The following DCTN5 variants were observed in gnomAD, a reference collection of about 807,000 sequenced individuals.
DCTN5 encodes the protein dynactin 4.
A neutral mutation model predicts 23.5 loss-of-function variants in DCTN5; 14 were observed. That is an observed-to-expected ratio of 0.60 (90% CI 0.39 to 0.93). DCTN5 has a LOEUF of 0.93. Among genes scored for constraint, DCTN5 ranks in the 40% least tolerant of loss-of-function variants. DCTN5 has a pLI of 0.00. For missense variants in DCTN5, 156 were observed against 225.9 expected (o/e 0.69, Z 1.98); for synonymous variants, 67 against 79.6 (o/e 0.84, Z 0.84).
At chr16:23,662,321 G>A (rs567862067) in intron 4 of DCTN5, among the ~76,000 whole-genome samples, 7 of 152,258 alleles carry the variant, frequency 4.6e-5, no homozygotes, top group African/African-American at 1.7e-4. Flanking sequence ...CAGGGTGCAA[G>A]CGGGCCCCTT....
At chr16:23,664,989 C>T (rs934206272) in intron 4 of DCTN5, among the ~76,000 whole-genome samples, 2 of 152,184 alleles carry the variant, frequency 1.3e-5, no homozygotes, top group African/African-American at 2.4e-5. Flanking sequence ...AATTAGTCTC[C>T]ATCTCTGTGC....
Position 23,667,364 on chromosome 16 carries a change from T to TA in DCTN5, c.*221dup. On this transcript the variant is annotated 3_prime_UTR_variant, in exon 6 of 6. Transcript: ENST00000300087. ...AGGAGCTGTCTTCAAATGCTGTGCT[T>TA]ACACCTTATCTATGAACAGTCACTT... The TA allele has an allele frequency of 1.7e-6, 1 of 579,094 alleles. No individual in the cohort carries two copies. The highest frequency in any genetic ancestry group is 3.1e-6 in the Non-Finnish European group (1 of 326,788). 35.9% of individuals were successfully genotyped at this position (579,094 alleles called of 1,614,324 possible). A position where few individuals can be genotyped will look rare whatever the true frequency, so the allele number is the denominator to read the frequency against.
intron 2 of DCTN5, chr16:23,650,617 AC>A (rs1967582996): frequency 1.3e-6 from 1 of 758,736 alleles, no homozygotes; most frequent in African/African-American, 1.8e-5. Flanking sequence ...GAGCCACTGC[AC>A]CCGGCTGGCC....
chr16:23,644,559 G>A lies in DCTN5; in HGVS notation c.117+1536G>A, dbSNP rs567998258. ...TCGTGATCCACCTGCCTTGTCCTCC[G>A]AAAGTGCTGGGATTACAGGCGTGAG... On this transcript the variant is annotated intron_variant, in intron 2 of 5. Coordinates refer to ENST00000300087, the MANE Select transcript of DCTN5 (RefSeq NM_032486.4). Among the ~76,000 whole-genome samples the A allele has an allele frequency of 5.3e-5, 8 of 151,404 alleles. No individual in the cohort carries two copies. The East Asian group carries it at 6.0e-4, about 11-fold the overall frequency.
At chr16:23,649,477 T>C (rs1245144044) in intron 2 of DCTN5, among the ~76,000 whole-genome samples, 2 of 152,204 alleles carry the variant, frequency 1.3e-5, no homozygotes, top group African/African-American at 4.8e-5. Context: ...AAGACCAGTG[T>C]CTTTAAGCAT....
intron 2 of DCTN5, among the ~76,000 whole-genome samples, chr16:23,643,571 T>C (rs1967356852): frequency 6.6e-6 from 1 of 152,020 alleles, no homozygotes; most frequent in Admixed American, 6.5e-5. Flanking sequence ...AGGAACAAAA[T>C]ACAGTGGTAC....
chr16:23,641,953 G>T (rs555111277), intron 1 of DCTN5, among the ~76,000 whole-genome samples: 1 of 152,066 alleles, frequency 6.6e-6, no homozygotes, highest in South Asian at 2.1e-4. Context: ...AAGGGGGTTG[G>T]GGGGCGGAGA....
chr16:23,662,982 G>A (rs978033249), intron 4 of DCTN5, among the ~76,000 whole-genome samples: 2 of 152,068 alleles, frequency 1.3e-5, no homozygotes, highest in African/African-American at 4.8e-5. Context: ...CCATATTGGC[G>A]GTACTCGCTG....
intron 4 of DCTN5, among the ~76,000 whole-genome samples, chr16:23,664,777 G>C (rs556421141): frequency 1.3e-5 from 2 of 152,380 alleles, no homozygotes; most frequent in South Asian, 4.1e-4. Flanking sequence ...TCACCAGTGG[G>C]AGAACAAATG....
Position 23,667,069 on chromosome 16 carries a change from G to A in DCTN5, c.474G>A (p.Pro158=), listed in dbSNP as rs767448170. The change falls in exon 6 of 6, where the codon CCG becomes CCA. Residue 158 remains proline, a synonymous_variant. Transcript: ENST00000300087. ...CAGGACTCTTCTCAGGGGAGCTCCC[G>A]GAGTGCACTCAGGAGCTGATGATTG... ...GCPGLFSGEL[P]ECTQELMIDV... The A allele has an allele frequency of 6.8e-6, 11 of 1,613,684 alleles. No individual in the cohort carries two copies. The highest frequency in any genetic ancestry group is 5.0e-5 in the Admixed American group (3 of 60,010).
intron 2 of DCTN5, among the ~76,000 whole-genome samples, chr16:23,645,117 A>T (rs1393447197): frequency 2.7e-5 from 1 of 36,652 alleles, no homozygotes; most frequent in African/African-American, 1.1e-4. Context: ...ATATATATAT[A>T]TATATATATA....
chr16:23,651,671 G>A (rs1023077876), intron 2 of DCTN5, among the ~76,000 whole-genome samples: 1 of 152,224 alleles, frequency 6.6e-6, no homozygotes, highest in Non-Finnish European at 1.5e-5. Context: ...AAGACTCTTA[G>A]ATGGAGGAAG....
At chr16:23,661,455 A>G (rs1324000762) in intron 4 of DCTN5, among the ~76,000 whole-genome samples, 174 bp downstream of exon 4, 3 of 152,176 alleles carry the variant, frequency 2.0e-5, no homozygotes, top group African/African-American at 7.2e-5. Flanking sequence ...GCGGTGGCTC[A>G]TGCCTGTAAT....
chr16:23,645,120 TATATATATATATA>T (rs1345091800), intron 2 of DCTN5, among the ~76,000 whole-genome samples: 909 of 43,044 alleles, frequency 0.021, 77 homozygotes, highest in Non-Finnish European at 0.032. Flanking sequence ...TATATATATA[TATATATATATATA>T]TATATTTTTT....
intron 2 of DCTN5, chr16:23,651,167 T>G (rs749135544): frequency 7.2e-6 from 8 of 1,117,846 alleles, no homozygotes; most frequent in Non-Finnish European, 8.8e-6. Context: ...GCAAGTATAG[T>G]CCTTCAACCT....
rs1967413381 is a variant in DCTN5, at chr16:23,645,114, T to TAC, written c.117+2092_117+2093insCA. On this transcript the variant is annotated intron_variant, in intron 2 of 5. Coordinates refer to ENST00000300087, the MANE Select transcript of DCTN5 (RefSeq NM_032486.4). ...ATATATATATATATATATATATATA[T>TAC]ATATATATATATATATATATATATT... is the stretch of plus-strand genomic sequence containing the variant. Among the ~76,000 whole-genome samples the TAC allele has an allele frequency of 2.5e-4, 10 of 40,712 alleles. 1 individual carries two copies. The South Asian group carries it at 7.7e-3, about 31-fold the overall frequency. 26.7% of individuals were successfully genotyped at this position (40,712 alleles called of 152,430 possible).
At position 23,674,379 on chromosome 16, in the gene DCTN5, A is replaced by G. The variant is rs1355187846; in HGVS notation, c.*7235A>G. ...AGGCTAATTGCATTCCTAACTTCTA[A>G]TATTTGCCAAACGCTCCAAGCTGGG... On this transcript the variant is annotated 3_prime_UTR_variant, in exon 6 of 6. Transcript: ENST00000300087. The G allele has an allele frequency of 6.6e-6, 1 of 152,222 alleles. No homozygotes were observed. The highest frequency in any genetic ancestry group is 1.5e-5 in the Non-Finnish European group (1 of 68,072). The allele number at this position is 152,222 out of a possible 1,614,324, so 9.4% of individuals were successfully genotyped here. A position where few individuals can be genotyped will look rare whatever the true frequency, so the allele number is the denominator to read the frequency against.
Position 23,641,594 on chromosome 16 carries a change from C to T in DCTN5, c.48+4C>T. ...CAAGTCTGAGTACATCGAGACGGTG[C>T]GCGGGTCCAGATATGTATCCTCCTC... On this transcript the variant is annotated splice_donor_region_variant and intron_variant, in intron 1 of 5. Coordinates refer to ENST00000300087, the MANE Select transcript of DCTN5 (RefSeq NM_032486.4). The T allele has an allele frequency of 6.2e-7, 1 of 1,613,950 alleles. No homozygotes were observed. The highest frequency in any genetic ancestry group is 1.3e-5 in the African/African-American group (1 of 75,026).
Position 23,665,621 on chromosome 16 carries a change from T to G in DCTN5, c.349-5T>G. 6.2e-7 allele frequency: 1 copy of G among 1,609,862 alleles called. No individual in the cohort carries two copies. The highest frequency in any genetic ancestry group is 8.5e-7 in the Non-Finnish European group (1 of 1,179,094). On this transcript the variant is annotated splice_region_variant and splice_polypyrimidine_tract_variant and intron_variant, in intron 4 of 5. Coordinates refer to ENST00000300087, the MANE Select transcript of DCTN5 (RefSeq NM_032486.4). ...CATTTCCTATTAACAAGATTTTAAT[T>G]TCAGGGGCGCCGATGTGTGTTGAAA...
Sources: allele counts gnomAD v4.1 joint callset (sites outside exome capture counted in the v4.1 genomes callset), GRCh38; gene constraint gnomAD v4.1.1; transcripts MANE v1.5; gene names NCBI Gene and HGNC (gene_info 2026-07-23, HGNC 2026-07-21).